The following CREB3L2 variants were observed in gnomAD, a reference collection of about 807,000 sequenced individuals.
CREB3L2 encodes cAMP responsive element binding protein 3 like 2.
A neutral mutation model predicts 57.2 loss-of-function variants in CREB3L2; 23 were observed. That is an observed-to-expected ratio of 0.40 (90% confidence interval 0.29 to 0.57). The LOEUF is 0.57. Among genes scored for constraint, CREB3L2 ranks in the 20% least tolerant of loss-of-function variants. The pLI is 0.42. For missense variants in CREB3L2, 628 were observed against 634.7 expected (o/e 0.99, Z 0.11); for synonymous variants, 268 against 265.1 (o/e 1.01, Z -0.11).
chr7:137,949,574 T>A (rs997637516), intron 1 of CREB3L2, among the ~76,000 whole-genome samples: 2 of 152,160 alleles, frequency 1.3e-5, no homozygotes, highest in African/African-American at 4.8e-5. Flanking sequence ...CCCACACCCC[T>A]TTGACCTGGG....
chr7:138,002,065 G>A lies in CREB3L2; in HGVS notation c.-360C>T, dbSNP rs542763608. On this transcript the variant is annotated 5_prime_UTR_variant, in exon 1 of 12. Coordinates refer to ENST00000330387, the MANE Select transcript of CREB3L2 (RefSeq NM_194071.4). ...ACGGCTCCAGACACAAACTTTGAGG[G>A]ACCCCAGGGCTCCTCGGCTCTGCTC... The A allele has an allele frequency of 5.5e-5, 16 of 291,636 alleles. No homozygotes were observed. Among genetic ancestry groups the A allele is most frequent in the African/African-American group, 1.9e-4 (9 of 46,976 alleles). The allele number at this position is 291,636 out of a possible 1,614,324, so 18.1% of individuals were successfully genotyped here. A position where few individuals can be genotyped will look rare whatever the true frequency, so the allele number is the denominator to read the frequency against.
chr7:137,880,307 A>G lies in CREB3L2; in HGVS notation c.*169T>C. ...CAGGAGGGGCATGGACCAGGGGGAG[A>G]TGCTCTCTCACTGCAGGGAAGTCCC... On this transcript the variant is annotated 3_prime_UTR_variant, in exon 12 of 12. Coordinates refer to ENST00000330387, the MANE Select transcript of CREB3L2 (RefSeq NM_194071.4). This position sits in a 1 kb window ranked among gnomAD's most constrained non-coding sequence, Gnocchi z 4.0. The G allele has an allele frequency of 1.6e-6, 1 of 630,176 alleles. No homozygotes were observed. Among genetic ancestry groups the G allele is most frequent in the Non-Finnish European group, 2.9e-6 (1 of 344,476 alleles). The allele number at this position is 630,176 out of a possible 1,614,324, so 39.0% of individuals were successfully genotyped here.
At chr7:137,923,728 G>C (rs1221452375) in intron 2 of CREB3L2, among the ~76,000 whole-genome samples, 1 of 152,136 alleles carries the variant, frequency 6.6e-6, no homozygotes, top group African/African-American at 2.4e-5. Context: ...TCGATCCTGT[G>C]CTTTTCCTGC....
intron 5 of CREB3L2, among the ~76,000 whole-genome samples, chr7:137,907,500 C>T (rs1439902724): frequency 6.6e-6 from 1 of 152,168 alleles, no homozygotes; most frequent in Non-Finnish European, 1.5e-5. Flanking sequence ...CTAGAACTTT[C>T]AGGGACAGAA....
intron 7 of CREB3L2, among the ~76,000 whole-genome samples, chr7:137,902,194 CAA>C (rs58506555): frequency 3.2e-4 from 27 of 84,920 alleles, no homozygotes; most frequent in African/African-American, 7.6e-4. Context: ...ACTCTGTCTC[CAA>C]AAAAAAAAAA....
intron 8 of CREB3L2, among the ~76,000 whole-genome samples, chr7:137,889,675 A>G (rs112402910): frequency 1.6e-4 from 25 of 152,350 alleles, no homozygotes; most frequent in African/African-American, 5.8e-4. Flanking sequence ...GCAAGGCCCC[A>G]TCAATCAGCA....
Position 137,882,392 on chromosome 7 carries a change from T to G in CREB3L2, c.1487+20A>C, listed in dbSNP as rs1355649653. 1 of 1,585,836 alleles carries G rather than the reference T, an allele frequency of 6.3e-7. No homozygotes were observed. Among genetic ancestry groups the G allele is most frequent in the African/African-American group, 1.3e-5 (1 of 74,426 alleles). On this transcript the variant is annotated intron_variant, in intron 11 of 11. Coordinates refer to ENST00000330387, the MANE Select transcript of CREB3L2 (RefSeq NM_194071.4). ...CCATCAGTGCACTAGAGGAGTTGGCTCTGTGTCTCTATGACTCACAGGTGC... is the reference window on the plus strand; with the variant it reads ...CCATCAGTGCACTAGAGGAGTTGGCGCTGTGTCTCTATGACTCACAGGTGC...
At chr7:137,981,597 C>A (rs1801712687) in intron 1 of CREB3L2, among the ~76,000 whole-genome samples, 2 of 152,170 alleles carry the variant, frequency 1.3e-5, no homozygotes, top group Non-Finnish European at 2.9e-5. Flanking sequence ...CCATGAGTCC[C>A]AGCCTTGCTC....
At chr7:137,908,579 G>C (rs1308603923) in intron 4 of CREB3L2, 143 bp from the exon 5 acceptor site, 1 of 476,494 alleles carries the variant, frequency 2.1e-6, no homozygotes, top group Non-Finnish European at 3.4e-6. Context: ...GGATATGGGA[G>C]TCCTCCTTTT....
At chr7:137,895,368 A>G (rs1237746538) in intron 8 of CREB3L2, among the ~76,000 whole-genome samples, 2 of 152,246 alleles carry the variant, frequency 1.3e-5, no homozygotes, top group Non-Finnish European at 2.9e-5. Flanking sequence ...GAGCACAGGA[A>G]GAAGGGCCCC....
At chr7:137,962,645 C>G (rs866863590) in intron 1 of CREB3L2, among the ~76,000 whole-genome samples, 5 of 152,100 alleles carry the variant, frequency 3.3e-5, no homozygotes, top group African/African-American at 1.2e-4. Context: ...CCTCCCACCC[C>G]CCACCAGCAT....
chr7:137,971,521 G>A (rs574814138), intron 1 of CREB3L2, among the ~76,000 whole-genome samples: 9 of 152,020 alleles, frequency 5.9e-5, no homozygotes, highest in Admixed American at 2.0e-4. Flanking sequence ...TGCAGACACC[G>A]CAGAACTTGA....
chr7:137,937,184 C>T (rs1303953365), intron 1 of CREB3L2, among the ~76,000 whole-genome samples: 3 of 152,192 alleles, frequency 2.0e-5, no homozygotes, highest in African/African-American at 7.2e-5. Context: ...AAAATCGTGG[C>T]TAGGAGCCTT....
rs1182062631 is a variant in CREB3L2 at position 137,965,097 on chromosome 7, A to G, written c.102+36507T>C. ...TGACCAAACTCTAGTTCTACTACAG[A>G]GATTGTCCAACCGGGGAAACAAAAT... On this transcript the variant is annotated intron_variant, in intron 1 of 11. Coordinates refer to ENST00000330387, the MANE Select transcript of CREB3L2 (RefSeq NM_194071.4). Among the ~76,000 whole-genome samples the G allele has an allele frequency of 2.0e-5, 3 of 152,302 alleles. No homozygotes were observed. The East Asian group carries it at 5.8e-4, about 29-fold the overall frequency.
intron 2 of CREB3L2, among the ~76,000 whole-genome samples, chr7:137,916,861 C>T (rs1800148427): frequency 6.6e-6 from 1 of 152,066 alleles, no homozygotes. Context: ...GGTTGGTAAC[C>T]AACGGGAGAA....
chr7:137,977,183 G>C (rs1455271859), intron 1 of CREB3L2, among the ~76,000 whole-genome samples: 1 of 152,204 alleles, frequency 6.6e-6, no homozygotes, highest in East Asian at 1.9e-4. Flanking sequence ...GTGGAAGTCT[G>C]CATGGAAATG....
chr7:137,947,303 G>A (rs1047853501), intron 1 of CREB3L2, among the ~76,000 whole-genome samples: 6 of 151,904 alleles, frequency 3.9e-5, no homozygotes, highest in South Asian at 2.1e-4. Context: ...CTCAACACCC[G>A]TAGCAAGAGA....
At chr7:137,953,405 G>A (rs1375486687) in intron 1 of CREB3L2, 1 of 1,168,946 alleles carries the variant, frequency 8.6e-7, no homozygotes, top group African/African-American at 1.6e-5. Flanking sequence ...CTCCAGTCTA[G>A]CTGAGGCCTG....
chr7:137,888,178 C>A (rs888765231), intron 8 of CREB3L2, among the ~76,000 whole-genome samples: 5 of 152,096 alleles, frequency 3.3e-5, no homozygotes, highest in Non-Finnish European at 5.9e-5. Context: ...TTGCCCAGCT[C>A]GTCTGGAACT....
Sources: allele counts gnomAD v4.1 joint callset (sites outside exome capture counted in the v4.1 genomes callset), GRCh38; gene constraint gnomAD v4.1.1; non-coding constraint Gnocchi (gnomAD v3.1); transcripts MANE v1.5; gene names NCBI Gene and HGNC (gene_info 2026-07-23, HGNC 2026-07-21).